Variants in HOMER1 observed in about 807,000 individuals in gnomAD.
HOMER1 encodes the protein homer protein homolog 1.
Under a neutral mutation model 48.9 loss-of-function variants are expected in HOMER1, and 3 were observed. The ratio of observed to expected loss-of-function variants is 0.06; its 90% CI spans 0.03 to 0.16. HOMER1 has a LOEUF of 0.16. Among genes scored for constraint, HOMER1 ranks in the 10% least tolerant of loss-of-function variants. The probability of loss-of-function intolerance (pLI) is 1.00; values close to 1 mark genes in which losing one functional copy is unlikely to be tolerated. For missense variants in HOMER1, 247 were observed against 411.4 expected, an observed-to-expected ratio of 0.60 and a Z score of 3.46; for synonymous variants, 134 against 146.4, an observed-to-expected ratio of 0.92 and a Z score of 0.61.
intron 1 of HOMER1, among the ~76,000 whole-genome samples, chr5:79,490,490 A>C (rs541405868): frequency 1.3e-3 from 201 of 152,322 alleles, no homozygotes; most frequent in Non-Finnish European, 2.5e-3. Context: ...GTATCTTATA[A>C]AATTTATAAC....
At chr5:79,393,585 G>A (rs1162335160) in intron 8 of HOMER1, among the ~76,000 whole-genome samples, 3 of 152,172 alleles carry the variant, frequency 2.0e-5, no homozygotes, top group Non-Finnish European at 4.4e-5. Context: ...GGTCCAGGGG[G>A]TACCAATATC....
intron 1 of HOMER1, among the ~76,000 whole-genome samples, chr5:79,479,613 CTT>C (rs1751890137): frequency 2.0e-5 from 3 of 152,308 alleles, no homozygotes; most frequent in African/African-American, 7.2e-5. Context: ...GCTTCTCACA[CTT>C]TGATTTCAGC....
intron 1 of HOMER1, among the ~76,000 whole-genome samples, chr5:79,503,804 C>T (rs891478175): frequency 6.6e-5 from 10 of 151,808 alleles, no homozygotes; most frequent in Middle Eastern, 6.8e-3. Flanking sequence ...AGTCGATCAT[C>T]ATAAATATTC....
intron 5 of HOMER1, among the ~76,000 whole-genome samples, chr5:79,427,728 TC>T (rs1439010049): frequency 7.9e-6 from 1 of 127,344 alleles, no homozygotes; most frequent in Non-Finnish European, 1.6e-5. Flanking sequence ...CTTCCTTCCT[TC>T]CCTTCCTTCC....
At chr5:79,471,112 G>A (rs1228959724) in intron 1 of HOMER1, among the ~76,000 whole-genome samples, 1 of 152,152 alleles carries the variant, frequency 6.6e-6, no homozygotes, top group Non-Finnish European at 1.5e-5. Context: ...AAGTGGGTTG[G>A]ATGGTGAGTC....
At chr5:79,447,006 C>G in intron 4 of HOMER1, 47 bp downstream of exon 4, 6 of 1,140,192 alleles carry the variant, frequency 5.3e-6, no homozygotes, top group Non-Finnish European at 8.0e-6. Context: ...AGGATATTAT[C>G]TGAAATGAAC....
chr5:79,507,212 CAAA>C (rs34697575), intron 1 of HOMER1, among the ~76,000 whole-genome samples: 70 of 51,906 alleles, frequency 1.3e-3, no homozygotes, highest in African/African-American at 4.6e-3. Context: ...GGCTCTATCT[CAAA>C]AAAAAAAAAA....
intron 3 of HOMER1, 51 bp from the exon 4 acceptor site, chr5:79,447,196 G>A (rs753232625): frequency 1.8e-6 from 2 of 1,112,036 alleles, no homozygotes; most frequent in Non-Finnish European, 2.7e-6. Context: ...AGGTCACAGT[G>A]CCCACTTTTA....
chr5:79,415,030 C>G (rs1561354811), intron 5 of HOMER1, among the ~76,000 whole-genome samples: 1 of 151,730 alleles, frequency 6.6e-6, no homozygotes, highest in Non-Finnish European at 1.5e-5. Flanking sequence ...GAAGAAAATC[C>G]CAGAAATAAA....
At chr5:79,433,068 A>G (rs1202286921) in intron 5 of HOMER1, among the ~76,000 whole-genome samples, 1 of 152,216 alleles carries the variant, frequency 6.6e-6, no homozygotes, top group African/African-American at 2.4e-5. Context: ...AGCTTTACAT[A>G]CAGTCCACAG....
In HOMER1 at chr5:79,416,022, G is replaced by A. The variant is rs575045530; in HGVS notation, c.528-13967C>T. Among the ~76,000 whole-genome samples, 8 of 152,234 alleles carry A rather than the reference G, an allele frequency of 5.3e-5. No individual in the cohort carries two copies. The South Asian group carries it at 6.2e-4, about 12-fold the overall frequency. ...AAATGTACTCTTGAAGACAAAAAATGGGACACTCAGATGGTAGTACCTTCC... is the reference window on the plus strand; with the variant it reads ...AAATGTACTCTTGAAGACAAAAAATAGGACACTCAGATGGTAGTACCTTCC... On this transcript the variant is annotated intron_variant, in intron 5 of 8. Transcript: ENST00000334082.
chr5:79,404,090 C>T (rs543174170), intron 5 of HOMER1, among the ~76,000 whole-genome samples: 3 of 152,218 alleles, frequency 2.0e-5, no homozygotes, highest in South Asian at 2.1e-4. Context: ...TATAGAGATG[C>T]GTTTTATTTA....
intron 1 of HOMER1, among the ~76,000 whole-genome samples, chr5:79,503,548 A>C (rs888375847): frequency 1.4e-5 from 2 of 147,416 alleles, no homozygotes; most frequent in East Asian, 2.0e-4. Context: ...AAAAAAAAAA[A>C]AAAAAACAGA....
At chr5:79,452,514 A>C (rs1328771983) in intron 2 of HOMER1, among the ~76,000 whole-genome samples, 1 of 152,226 alleles carries the variant, frequency 6.6e-6, no homozygotes, top group Non-Finnish European at 1.5e-5. Flanking sequence ...TGAACTCTTA[A>C]ATGTGGAATG....
At chr5:79,421,587 C>G (rs939446562) in intron 5 of HOMER1, among the ~76,000 whole-genome samples, 1 of 151,786 alleles carries the variant, frequency 6.6e-6, no homozygotes, top group African/African-American at 2.4e-5. Context: ...CACACACACA[C>G]ACACTAAACC....
chr5:79,397,598 C>T lies in HOMER1; in HGVS notation c.724G>A (p.Val242Ile). ...TTTAATTCTGTCTTATGAGTATGTACTGCATTTGCTTGGCTACTAACACAT... is the reference window on the plus strand; with the variant it reads ...TTTAATTCTGTCTTATGAGTATGTATTGCATTTGCTTGGCTACTAACACAT... ...LECVSSQANA[V>I]HTHKTELNQT... Residue 242 changes from valine (V) to isoleucine (I), a missense_variant, in exon 7 of 9, where the codon GTA (valine) becomes ATA (isoleucine). By Grantham distance (29) the Val-to-Ile change is conservative. This residue lies in a region of HOMER1 where 113 missense variants were observed against 152.5 expected (regional missense o/e 0.74). Coordinates refer to ENST00000334082, the MANE Select transcript of HOMER1 (RefSeq NM_004272.5). 2 of 1,609,774 alleles carry T rather than the reference C, an allele frequency of 1.2e-6. No individual in the cohort carries two copies. The highest frequency in any genetic ancestry group is 8.5e-7 in the Non-Finnish European group (1 of 1,177,776).
At chr5:79,468,064 C>A (rs1751525668) in intron 1 of HOMER1, among the ~76,000 whole-genome samples, 1 of 152,186 alleles carries the variant, frequency 6.6e-6, no homozygotes, top group South Asian at 2.1e-4. Context: ...GTATGAGCCA[C>A]CATGCCCAGC....
At chr5:79,478,939 G>A (rs1288379023) in intron 1 of HOMER1, among the ~76,000 whole-genome samples, 3 of 150,880 alleles carry the variant, frequency 2.0e-5, no homozygotes, top group Non-Finnish European at 4.4e-5. Flanking sequence ...GTGACAAAGC[G>A]AGACTCCGTC....
intron 1 of HOMER1, among the ~76,000 whole-genome samples, chr5:79,511,739 C>T (rs1752951202): frequency 6.6e-6 from 1 of 152,224 alleles, no homozygotes; most frequent in Non-Finnish European, 1.5e-5. Context: ...CAAATTCTAA[C>T]TCCAAAAGGA....
Sources: allele counts gnomAD v4.1 joint callset (sites outside exome capture counted in the v4.1 genomes callset), GRCh38; gene constraint gnomAD v4.1.1; regional missense constraint gnomAD v4.1.1; transcripts MANE v1.5; gene names NCBI Gene and HGNC (gene_info 2026-07-23, HGNC 2026-07-21).